Variants in ATG5 observed in about 807,000 individuals in gnomAD.
The protein encoded by ATG5 is autophagy protein 5.
ATG5 carries 14 observed loss-of-function variants against 36.5 expected under a neutral mutation model. That is an observed-to-expected ratio of 0.38 (90% confidence interval 0.25 to 0.60). The LOEUF is 0.60. Among genes scored for constraint, ATG5 ranks in the 20% least tolerant of loss-of-function variants. The pLI is 0.60. For missense variants in ATG5, 195 were observed against 326.7 expected, an observed-to-expected ratio of 0.60 and a Z score of 3.11; for synonymous variants, 95 against 101.5, an observed-to-expected ratio of 0.94 and a Z score of 0.38.
chr6:106,298,846 TAAAAG>T (rs889690039), intron 3 of ATG5, among the ~76,000 whole-genome samples: 2 of 152,192 alleles, frequency 1.3e-5, no homozygotes, highest in African/African-American at 4.8e-5. Flanking sequence ...ACACAATCTA[TAAAAG>T]AAAACAGAAC....
At chr6:106,237,190 A>C in intron 6 of ATG5, among the ~76,000 whole-genome samples, 1 of 152,342 alleles carries the variant, frequency 6.6e-6, no homozygotes, top group South Asian at 2.1e-4. Flanking sequence ...ACAATGAAAT[A>C]CATTACATAA....
intron 7 of ATG5, among the ~76,000 whole-genome samples, chr6:106,186,961 TG>T (rs1775796315): frequency 6.6e-6 from 1 of 152,224 alleles, no homozygotes; most frequent in South Asian, 2.1e-4. Flanking sequence ...TTAATGAAAC[TG>T]TAGTGGCAAA....
intron 6 of ATG5, among the ~76,000 whole-genome samples, chr6:106,205,999 A>G (rs1776614957): frequency 6.6e-6 from 1 of 152,204 alleles, no homozygotes; most frequent in African/African-American, 2.4e-5. Context: ...TTAGTGTGCT[A>G]GCAAATAGCA....
At chr6:106,186,706 A>G (rs1476995789) in intron 7 of ATG5, 30 bp from the exon 8 acceptor site, 1 of 1,609,172 alleles carries the variant, frequency 6.2e-7, no homozygotes, top group South Asian at 1.1e-5. Context: ...CAACAACAAT[A>G]AAAGTCAAAA....
At chr6:106,294,431 T>C (rs1173487867) in intron 3 of ATG5, among the ~76,000 whole-genome samples, 1 of 151,432 alleles carries the variant, frequency 6.6e-6, no homozygotes, top group South Asian at 2.1e-4. Flanking sequence ...TATATGTTTA[T>C]ATATATAATT....
chr6:106,241,394 G>A (rs1778117972), intron 6 of ATG5, among the ~76,000 whole-genome samples: 1 of 152,172 alleles, frequency 6.6e-6, no homozygotes, highest in Non-Finnish European at 1.5e-5. Context: ...CACTGTTGGT[G>A]GGAATGTAAA....
intron 3 of ATG5, among the ~76,000 whole-genome samples, chr6:106,307,449 G>A (rs983238048): frequency 8.1e-5 from 12 of 148,922 alleles, no homozygotes; most frequent in African/African-American, 2.7e-4. Context: ...GAAGCACAAT[G>A]AACAAAACTC....
At chr6:106,236,015 A>G (rs1403173036) in intron 6 of ATG5, among the ~76,000 whole-genome samples, 1 of 152,196 alleles carries the variant, frequency 6.6e-6, no homozygotes, top group Non-Finnish European at 1.5e-5. Flanking sequence ...GACCTGGCCC[A>G]GACCTTGGCC....
At chr6:106,205,923 A>G (rs1487638184) in intron 6 of ATG5, among the ~76,000 whole-genome samples, 4 of 152,212 alleles carry the variant, frequency 2.6e-5, no homozygotes, top group African/African-American at 9.6e-5. Context: ...AAATCTGATG[A>G]ACATTTTCTG....
At chr6:106,316,002 T>A (rs768513416) in intron 2 of ATG5, 99 bp downstream of exon 2, 4 of 894,032 alleles carry the variant, frequency 4.5e-6, no homozygotes, top group Non-Finnish European at 6.9e-6. Context: ...GAATTAGCTG[T>A]ATCTAAAACG....
chr6:106,268,689 C>T (rs375215126), intron 5 of ATG5, among the ~76,000 whole-genome samples: 3 of 152,082 alleles, frequency 2.0e-5, no homozygotes, highest in East Asian at 3.8e-4. Context: ...TGGAATACTA[C>T]GCAGCCATAA....
intron 1 of ATG5, among the ~76,000 whole-genome samples, chr6:106,324,480 A>G (rs942266750): frequency 2.0e-5 from 3 of 152,152 alleles, no homozygotes; most frequent in Non-Finnish European, 2.9e-5. Context: ...TTTTGTATCA[A>G]TGTCTTCTCA....
intron 3 of ATG5, among the ~76,000 whole-genome samples, chr6:106,303,339 C>G (rs1226011045): frequency 6.6e-6 from 1 of 151,962 alleles, no homozygotes; most frequent in Non-Finnish European, 1.5e-5. Context: ...CTCCCCAAAA[C>G]CCATAAACTA....
At chr6:106,309,908 T>C (rs1210247614) in intron 2 of ATG5, among the ~76,000 whole-genome samples, 1 of 152,116 alleles carries the variant, frequency 6.6e-6, no homozygotes, top group Non-Finnish European at 1.5e-5. Flanking sequence ...GAAAACAATA[T>C]TAACTTATGG....
chr6:106,295,157 G>C (rs1780494825), intron 3 of ATG5, among the ~76,000 whole-genome samples: 1 of 151,948 alleles, frequency 6.6e-6, no homozygotes, highest in Admixed American at 6.6e-5. Flanking sequence ...TATTAAAATT[G>C]AACAAGCTCT....
rs182033570 is a variant in ATG5, at chr6:106,288,623, A to G, written c.315+4405T>C. On this transcript the variant is annotated intron_variant, in intron 4 of 7. Transcript: ENST00000369076. ...TCTTCATTGTTCTCTAACTCTTGTT[A>G]ATCAACATGTGGTCTGGTGGAACAA... Among the ~76,000 whole-genome samples the G allele has an allele frequency of 4.6e-5, 7 of 152,358 alleles. 1 individual carries two copies. The South Asian group carries it at 1.2e-3, about 27-fold the overall frequency.
intron 6 of ATG5, among the ~76,000 whole-genome samples, chr6:106,243,400 T>C (rs1286382115): frequency 6.6e-6 from 1 of 151,762 alleles, no homozygotes; most frequent in Non-Finnish European, 1.5e-5. Context: ...GCATGGCACA[T>C]GCCTGTAGTC....
intron 6 of ATG5, among the ~76,000 whole-genome samples, chr6:106,223,539 T>C (rs1327531105): frequency 1.3e-5 from 2 of 152,172 alleles, no homozygotes; most frequent in Admixed American, 1.3e-4. Flanking sequence ...AATTTACCTA[T>C]TTCTTTTAAA....
intron 5 of ATG5, among the ~76,000 whole-genome samples, chr6:106,266,034 C>CAA (rs202210597): frequency 3.1e-4 from 43 of 136,968 alleles, no homozygotes; most frequent in Admixed American, 1.1e-3. Flanking sequence ...GAAAAACCCT[C>CAA]AAAAAAAAAA....
Sources: gnomAD v4.1 joint callset for allele counts (sites outside exome capture counted in the v4.1 genomes callset) on GRCh38, gnomAD v4.1.1 for gene constraint, MANE v1.5 for transcripts, NCBI Gene and HGNC (gene_info 2026-07-23, HGNC 2026-07-21) for gene names.